SLC4A7: variants seen among roughly 807,000 people sequenced by gnomAD.
SLC4A7 encodes sodium bicarbonate cotransporter 3.
Under a neutral mutation model 137.6 loss-of-function variants are expected in SLC4A7, and 51 were observed. The observed-to-expected ratio is 0.37, with a 90% CI of 0.30 to 0.47. The LOEUF (loss-of-function observed/expected upper bound fraction) is 0.47, where lower values mean the gene tolerates loss of function less well. Ranked by LOEUF, SLC4A7 falls within the 20% of genes least tolerant of loss-of-function variation. The pLI, the probability that SLC4A7 is intolerant of heterozygous loss-of-function variation, is 1.00. For synonymous variants in SLC4A7, 542 were observed against 518.6 expected (o/e 1.05, Z -0.61); for missense variants, 1,247 against 1,525.4 (o/e 0.82, Z 3.04).
Position 27,421,799 on chromosome 3 carries a change from T to G in SLC4A7, c.1267-20A>C. On this transcript the variant is annotated intron_variant, in intron 8 of 25. Coordinates refer to ENST00000454389, the MANE Select transcript of SLC4A7 (RefSeq NM_001321103.2). ...ATCAACCTATTGACAAATAAATAATTAAAAATAAAGTTTCCGTGGTATTTG... is the reference window on the plus strand; with the variant it reads ...ATCAACCTATTGACAAATAAATAATGAAAAATAAAGTTTCCGTGGTATTTG... 1 of 1,586,154 alleles carries G rather than the reference T, an allele frequency of 6.3e-7. No individual in the cohort carries two copies. Among genetic ancestry groups the G allele is most frequent in the Non-Finnish European group, 8.6e-7 (1 of 1,160,656 alleles).
chr3:27,474,239 CAG>C (rs1369253046), intron 1 of SLC4A7, among the ~76,000 whole-genome samples: 3 of 152,056 alleles, frequency 2.0e-5, no homozygotes, highest in Non-Finnish European at 4.4e-5. Context: ...AGTGAGATAA[CAG>C]AGGCCTCCAT....
At chr3:27,461,545 G>A (rs959781317) in intron 1 of SLC4A7, among the ~76,000 whole-genome samples, 3 of 148,758 alleles carry the variant, frequency 2.0e-5, no homozygotes, top group African/African-American at 7.5e-5. Context: ...ACCAAGGCTG[G>A]AGGATGGCTT....
intron 25 of SLC4A7, 95 bp downstream of exon 25, chr3:27,379,154 A>T (rs2050174590): frequency 1.5e-6 from 1 of 685,442 alleles, no homozygotes; most frequent in Non-Finnish European, 2.6e-6. Context: ...CCAAGTATAC[A>T]TTAAAATGAT....
At chr3:27,457,379 T>C (rs2058467325) in intron 1 of SLC4A7, among the ~76,000 whole-genome samples, 1 of 152,162 alleles carries the variant, frequency 6.6e-6, no homozygotes, top group Admixed American at 6.5e-5. Context: ...TCTAACTTAA[T>C]AGAAGACAAC....
At chr3:27,379,809 G>C (rs546155369) in intron 24 of SLC4A7, among the ~76,000 whole-genome samples, 119 of 152,240 alleles carry the variant, frequency 7.8e-4, no homozygotes, top group African/African-American at 2.3e-3. Flanking sequence ...GAAAACTTAA[G>C]ATTATGATTT....
chr3:27,480,285 G>A (rs958239106), intron 1 of SLC4A7, among the ~76,000 whole-genome samples: 1 of 152,220 alleles, frequency 6.6e-6, no homozygotes, highest in Non-Finnish European at 1.5e-5. Flanking sequence ...CCAGGCTGCA[G>A]TGCAATGGCA....
At chr3:27,425,257 C>A (rs952973116) in intron 7 of SLC4A7, among the ~76,000 whole-genome samples, 5 of 150,564 alleles carry the variant, frequency 3.3e-5, no homozygotes, top group Non-Finnish European at 1.5e-5. Context: ...GTAGTCCCAG[C>A]TATTTGGGAG....
At chr3:27,391,871 G>A (rs2051593504) in intron 20 of SLC4A7, 63 bp from the exon 21 acceptor site, 3 of 912,728 alleles carry the variant, frequency 3.3e-6, no homozygotes, top group African/African-American at 1.7e-5. Context: ...CATAATCAGT[G>A]AGTAATTATA....
intron 1 of SLC4A7, among the ~76,000 whole-genome samples, chr3:27,473,837 C>T (rs561005062): frequency 4.6e-4 from 70 of 151,254 alleles, no homozygotes; most frequent in African/African-American, 1.6e-3. Context: ...CATAAAATCA[C>T]AAAGAGCGTA....
At chr3:27,399,008 GAAAA>G (rs533969253) in intron 16 of SLC4A7, among the ~76,000 whole-genome samples, 3 of 137,600 alleles carry the variant, frequency 2.2e-5, no homozygotes, top group African/African-American at 8.0e-5. Flanking sequence ...TTCCTTTAGG[GAAAA>G]AAAAAAAAAA....
At chr3:27,415,294 A>G (rs2054276611) in intron 11 of SLC4A7, among the ~76,000 whole-genome samples, 1 of 152,174 alleles carries the variant, frequency 6.6e-6, no homozygotes, top group Non-Finnish European at 1.5e-5. Context: ...CACTGATGGG[A>G]CCAATCCAGA....
chr3:27,438,455 A>G (rs2056919114), intron 3 of SLC4A7, among the ~76,000 whole-genome samples: 2 of 152,118 alleles, frequency 1.3e-5, no homozygotes, highest in African/African-American at 4.8e-5. Context: ...CAGTGAGCTG[A>G]GATTGTGCCA....
chr3:27,407,350 G>C (rs963221177), intron 13 of SLC4A7, among the ~76,000 whole-genome samples: 2 of 151,642 alleles, frequency 1.3e-5, no homozygotes, highest in African/African-American at 4.8e-5. Flanking sequence ...CGTGGTGGTG[G>C]GCCCCTGTAG....
At chr3:27,483,995 G>GC in intron 1 of SLC4A7, 72 bp downstream of exon 1, 7 of 1,169,126 alleles carry the variant, frequency 6.0e-6, no homozygotes, top group South Asian at 2.7e-5. Context: ...CGCCCGCCGC[G>GC]CCCCCCGCCT....
chr3:27,435,825 A>G (rs2056694079), intron 5 of SLC4A7, among the ~76,000 whole-genome samples: 1 of 152,122 alleles, frequency 6.6e-6, no homozygotes, highest in Non-Finnish European at 1.5e-5. Context: ...AGCCTGGATG[A>G]CAGTGAGAGA....
At chr3:27,449,402 TATAA>T (rs1190644208) in intron 2 of SLC4A7, among the ~76,000 whole-genome samples, 7 of 149,720 alleles carry the variant, frequency 4.7e-5, no homozygotes, top group African/African-American at 1.7e-4. Flanking sequence ...AAATATAATG[TATAA>T]ATATTTACAA....
intron 1 of SLC4A7, among the ~76,000 whole-genome samples, chr3:27,455,195 A>G (rs938390183): frequency 1.1e-4 from 17 of 152,210 alleles, no homozygotes; most frequent in African/African-American, 3.9e-4. Context: ...ACAATCTCAT[A>G]CCAAGGAGTG....
At chr3:27,388,656 T>A (rs897490446) in intron 22 of SLC4A7, among the ~76,000 whole-genome samples, 2 of 152,188 alleles carry the variant, frequency 1.3e-5, no homozygotes, top group Admixed American at 6.5e-5. Context: ...CCACCATCTA[T>A]TTTTGTATAG....
Position 27,384,693 on chromosome 3 carries a change from T to G in SLC4A7, c.3492+1199A>C, listed in dbSNP as rs545581119. On this transcript the variant is annotated intron_variant, in intron 23 of 25. Coordinates refer to ENST00000454389, the MANE Select transcript of SLC4A7 (RefSeq NM_001321103.2). ...AAAAACTCATACAGGCCAGGCACAGTGGCTCACGTCTATAATCCCAGCACT... is the reference window on the plus strand; with the variant it reads ...AAAAACTCATACAGGCCAGGCACAGGGGCTCACGTCTATAATCCCAGCACT... 8.5e-5 allele frequency among the ~76,000 whole-genome samples: 13 copies of G among 152,292 alleles called. No individual in the cohort carries two copies. In the East Asian group the frequency reaches 2.1e-3, roughly 25 times the overall value.
Sources: allele counts gnomAD v4.1 joint callset (sites outside exome capture counted in the v4.1 genomes callset), GRCh38; gene constraint gnomAD v4.1.1; transcripts MANE v1.5; gene names NCBI Gene and HGNC (gene_info 2026-07-23, HGNC 2026-07-21).